Variants in TBC1D1 observed in about 807,000 individuals in gnomAD.
TBC1D1 encodes the protein TBC1 domain family member 1.
TBC1D1 carries 89 observed loss-of-function variants against 125.6 expected under a neutral mutation model. The observed-to-expected ratio is 0.71, with a 90% CI of 0.60 to 0.85. TBC1D1 has a LOEUF of 0.85. Among genes scored for constraint, TBC1D1 ranks in the 40% least tolerant of loss-of-function variants. The probability of loss-of-function intolerance (pLI) is 0.00; values close to 1 mark genes in which losing one functional copy is unlikely to be tolerated. For missense variants in TBC1D1, 1,377 were observed against 1,469.2 expected (o/e 0.94, Z 1.03); for synonymous variants, 565 against 564.1 (o/e 1.00, Z -0.02).
chr4:37,963,755 G>A lies in TBC1D1; in HGVS notation c.418-50754G>A, dbSNP rs939288970. On this transcript the variant is annotated intron_variant, in intron 2 of 19. Coordinates refer to ENST00000261439, the MANE Select transcript of TBC1D1 (RefSeq NM_015173.4). ...GTCTCTTATATTATGCTATTTAAAT[G>A]TTTTAAAAACATTTAATAATTTTTA... 3.9e-5 allele frequency among the ~76,000 whole-genome samples: 6 copies of A among 152,170 alleles called. No homozygotes were observed. The East Asian group carries it at 5.8e-4, about 15-fold the overall frequency.
At chr4:38,039,551 T>C (rs1394042476) in intron 8 of TBC1D1, among the ~76,000 whole-genome samples, 1 of 152,242 alleles carries the variant, frequency 6.6e-6, no homozygotes, top group African/African-American at 2.4e-5. Context: ...ATCAGTAGTT[T>C]GTTCCTTTTT....
At chr4:37,978,904 CTTACT>C (rs1733800248) in intron 2 of TBC1D1, among the ~76,000 whole-genome samples, 1 of 152,160 alleles carries the variant, frequency 6.6e-6, no homozygotes, top group Non-Finnish European at 1.5e-5. Context: ...GAGACAGAGT[CTTACT>C]CTTGTCACCT....
At chr4:38,119,686 C>T (rs1763540140) in intron 17 of TBC1D1, among the ~76,000 whole-genome samples, 2 of 152,170 alleles carry the variant, frequency 1.3e-5, no homozygotes, top group African/African-American at 4.8e-5. Context: ...ATTAATCTAC[C>T]TTCCTTACAT....
intron 19 of TBC1D1, among the ~76,000 whole-genome samples, chr4:38,136,514 C>T (rs922468322): frequency 1.3e-5 from 2 of 152,098 alleles, no homozygotes; most frequent in Non-Finnish European, 2.9e-5. Flanking sequence ...CTTTAGATGG[C>T]GTGGACGTGA....
At chr4:38,049,534 A>C in intron 10 of TBC1D1, 84 bp from the exon 11 acceptor site, 1 of 1,462,034 alleles carries the variant, frequency 6.8e-7, no homozygotes, top group Admixed American at 2.2e-5. Flanking sequence ...AGATACTGCA[A>C]TGTTTGCCCG....
chr4:38,119,095 A>G (rs762540060), intron 17 of TBC1D1, among the ~76,000 whole-genome samples: 8 of 152,196 alleles, frequency 5.3e-5, no homozygotes, highest in South Asian at 2.1e-4. Context: ...TAGTTATTAT[A>G]TATCAAATGT....
chr4:38,106,258 C>A (rs1761281723), intron 15 of TBC1D1, among the ~76,000 whole-genome samples: 1 of 152,128 alleles, frequency 6.6e-6, no homozygotes, highest in South Asian at 2.1e-4. Context: ...GGCCTGCACC[C>A]TCTCTAAGAA....
chr4:38,130,704 C>T (rs1765449700), intron 18 of TBC1D1, among the ~76,000 whole-genome samples: 1 of 152,186 alleles, frequency 6.6e-6, no homozygotes, highest in Admixed American at 6.5e-5. Flanking sequence ...GAGGTGGGCA[C>T]TGCACTTGTC....
chr4:38,076,345 C>T (rs1321172718), intron 12 of TBC1D1, among the ~76,000 whole-genome samples: 1 of 152,200 alleles, frequency 6.6e-6, no homozygotes, highest in Non-Finnish European at 1.5e-5. Flanking sequence ...CCTCCCATGA[C>T]ATGGGGATTA....
rs867391608 is a variant in TBC1D1 at position 38,103,173 on chromosome 4, C to T, written c.2557+16C>T. On this transcript the variant is annotated intron_variant, in intron 15 of 19. Coordinates refer to ENST00000261439, the MANE Select transcript of TBC1D1 (RefSeq NM_015173.4). ...ATTGACCTTGGTAAGTCTGTGCCAT[C>T]GATTGGAGATGACAATGGAAGTTTC... 1.1e-5 allele frequency: 18 copies of T among 1,595,524 alleles called. No homozygotes were observed. Among genetic ancestry groups the T allele is most frequent in the Middle Eastern group, 1.7e-4 (1 of 5,994 alleles).
chr4:38,040,727 G>T (rs1369288960), intron 8 of TBC1D1, among the ~76,000 whole-genome samples: 1 of 152,184 alleles, frequency 6.6e-6, no homozygotes, highest in Admixed American at 6.5e-5. Flanking sequence ...GCCCTTTGTG[G>T]GCAATTCCCT....
At chr4:38,092,513 C>T (rs1350833596) in intron 13 of TBC1D1, among the ~76,000 whole-genome samples, 3 of 151,962 alleles carry the variant, frequency 2.0e-5, no homozygotes, top group Non-Finnish European at 2.9e-5. Flanking sequence ...GGGAGATCAC[C>T]TGAGGTCAGG....
chr4:38,005,425 T>C (rs1274826888), intron 2 of TBC1D1, among the ~76,000 whole-genome samples: 1 of 152,170 alleles, frequency 6.6e-6, no homozygotes, highest in Non-Finnish European at 1.5e-5. Flanking sequence ...GGTTATGATT[T>C]GATTTGAAAG....
chr4:38,114,575 C>G (rs1578783468), intron 15 of TBC1D1, among the ~76,000 whole-genome samples: 2 of 152,338 alleles, frequency 1.3e-5, no homozygotes, highest in East Asian at 3.9e-4. Flanking sequence ...TGGCTGCCAG[C>G]TGCCTGGCTC....
At chr4:38,053,114 A>C in intron 11 of TBC1D1, 1 of 1,494,126 alleles carries the variant, frequency 6.7e-7, no homozygotes, top group Non-Finnish European at 8.9e-7. Flanking sequence ...AGCATCTCCT[A>C]CCGTAATGCC....
At chr4:37,987,715 A>C (rs955235708) in intron 2 of TBC1D1, among the ~76,000 whole-genome samples, 3 of 152,204 alleles carry the variant, frequency 2.0e-5, no homozygotes, top group Admixed American at 1.3e-4. Context: ...GATTGGGAGG[A>C]GGTTAAGACA....
chr4:38,133,121 A>G lies in TBC1D1; in HGVS notation c.3170A>G (p.Tyr1057Cys). Residue 1057 changes from tyrosine (Y) to cysteine (C), a missense_variant, in exon 19 of 20, where the codon TAT (tyrosine) becomes TGT (cysteine). Coordinates refer to ENST00000261439, the MANE Select transcript of TBC1D1 (RefSeq NM_015173.4). The stretch of plus-strand genomic sequence containing the variant: ...GACATCGCTAAACAGTTACAAGCTT[A>G]TGAAGTTGAGTACCACGTCCTTCAA... 1 of 1,614,184 alleles carries G rather than the reference A, an allele frequency of 6.2e-7. No homozygotes were observed. Among genetic ancestry groups the G allele is most frequent in the South Asian group, 1.1e-5 (1 of 91,074 alleles).
intron 2 of TBC1D1, chr4:37,960,852 C>T: frequency 6.2e-7 from 1 of 1,614,164 alleles, no homozygotes; most frequent in East Asian, 2.2e-5. Context: ...TGCACACCTC[C>T]CCTTGAGTGG....
At chr4:38,095,363 G>A (rs1370616789) in intron 13 of TBC1D1, among the ~76,000 whole-genome samples, 1 of 152,172 alleles carries the variant, frequency 6.6e-6, no homozygotes, top group East Asian at 1.9e-4. Context: ...TGCAGCTTTA[G>A]GTTGAGTAAG....
Sources: gnomAD v4.1 joint callset for allele counts (sites outside exome capture counted in the v4.1 genomes callset) on GRCh38, gnomAD v4.1.1 for gene constraint, MANE v1.5 for transcripts, NCBI Gene and HGNC (gene_info 2026-07-23, HGNC 2026-07-21) for gene names.